Variants in CFAP221 observed in about 807,000 individuals in gnomAD.
The protein encoded by CFAP221 is cilia- and flagella-associated protein 221.
Under a neutral mutation model 113.1 loss-of-function variants are expected in CFAP221, and 97 were observed. The observed-to-expected ratio is 0.86, with a 90% CI of 0.73 to 1.02. The LOEUF (loss-of-function observed/expected upper bound fraction) is 1.02. CFAP221 is among the 50% of genes least tolerant of loss of function. The pLI, the probability that CFAP221 is intolerant of heterozygous loss-of-function variation, is 0.00. For synonymous variants in CFAP221, 331 were observed against 354.4 expected (o/e 0.93, Z 0.74); for missense variants, 1,025 against 1,013.4 (o/e 1.01, Z -0.16).
At chr2:119,610,961 G>C (rs911277923) in intron 12 of CFAP221, among the ~76,000 whole-genome samples, 4 of 152,078 alleles carry the variant, frequency 2.6e-5, no homozygotes, top group African/African-American at 9.7e-5. Flanking sequence ...TTGGCTCCTG[G>C]GAATAAGAAA....
rs78833068 is a variant in CFAP221, at chr2:119,571,475, G to A, written c.527+9361G>A. Among the ~76,000 whole-genome samples, 934 of 141,938 alleles carry A rather than the reference G, an allele frequency of 6.6e-3. 8 individuals carry two copies. Among genetic ancestry groups the A allele is most frequent in the African/African-American group, 0.024 (899 of 37,918 alleles). The allele number at this position is 141,938 out of a possible 152,430, so 93.1% of individuals were successfully genotyped here. ...TTTTTTTTCAAGCTTTTTTTCTTGA[G>A]ACAGAGTTTCACTCTGTCACCCAGG... On this transcript the variant is annotated intron_variant, in intron 6 of 23. Transcript: ENST00000413369.
intron 22 of CFAP221, 149 bp downstream of exon 22, chr2:119,647,199 C>A (rs2104807261): frequency 1.8e-6 from 1 of 566,250 alleles, no homozygotes; most frequent in Middle Eastern, 3.0e-4. Flanking sequence ...CATACCATCA[C>A]CTAGATAAGA....
In CFAP221 at chr2:119,650,384, G is replaced by C. The variant is rs529360108; in HGVS notation, c.2319-1590G>C. Among the ~76,000 whole-genome samples the C allele has an allele frequency of 3.1e-4, 47 of 152,330 alleles. 1 individual carries two copies. Among genetic ancestry groups the C allele is most frequent in the African/African-American group, 1.1e-3 (45 of 41,580 alleles). On this transcript the variant is annotated intron_variant, in intron 22 of 23. Coordinates refer to ENST00000413369, the MANE Select transcript of CFAP221 (RefSeq NM_001271049.2). ...GACAGCATTTCTTGAGAGGACTGCA[G>C]CCAGGGTGGGATGATTCATATTTGC...
At chr2:119,584,883 G>A (rs961770306) in intron 6 of CFAP221, among the ~76,000 whole-genome samples, 64 of 152,252 alleles carry the variant, frequency 4.2e-4, no homozygotes, top group Admixed American at 7.8e-4. Flanking sequence ...TATTTTAGTC[G>A]TATCTAGTAA....
intron 6 of CFAP221, among the ~76,000 whole-genome samples, chr2:119,568,359 C>T (rs1024142476): frequency 9.2e-5 from 14 of 152,048 alleles, no homozygotes. Flanking sequence ...TTCTGGGATA[C>T]ATGTGCAGGA....
chr2:119,575,295 T>C (rs1574038608), intron 6 of CFAP221, among the ~76,000 whole-genome samples: 1 of 152,204 alleles, frequency 6.6e-6, no homozygotes, highest in East Asian at 1.9e-4. Flanking sequence ...CTTTCGCTCC[T>C]GATGCCAGCT....
At chr2:119,565,866 T>A (rs1681587044) in intron 6 of CFAP221, among the ~76,000 whole-genome samples, 1 of 152,194 alleles carries the variant, frequency 6.6e-6, no homozygotes, top group East Asian at 1.9e-4. Context: ...CTAAAGTGTT[T>A]TCTATTAATC....
At chr2:119,557,799 G>A (rs2104529036) in intron 3 of CFAP221, among the ~76,000 whole-genome samples, 1 of 152,120 alleles carries the variant, frequency 6.6e-6, no homozygotes, top group South Asian at 2.1e-4. Flanking sequence ...AGGAGTTCGA[G>A]ACCAGCCTGA....
At chr2:119,640,876 C>T (rs1398880175) in intron 21 of CFAP221, among the ~76,000 whole-genome samples, 1 of 152,214 alleles carries the variant, frequency 6.6e-6, no homozygotes, top group African/African-American at 2.4e-5. Flanking sequence ...TGCCCCTTGG[C>T]CAACTCTCTG....
chr2:119,599,315 T>C (rs891610000), intron 7 of CFAP221, among the ~76,000 whole-genome samples: 3 of 152,158 alleles, frequency 2.0e-5, no homozygotes, highest in Non-Finnish European at 4.4e-5. Flanking sequence ...GAACGCGAGT[T>C]CAGTAGGGCT....
At chr2:119,561,134 C>CA (rs1239616573) in intron 5 of CFAP221, among the ~76,000 whole-genome samples, 9 of 151,726 alleles carry the variant, frequency 5.9e-5, no homozygotes, top group Admixed American at 4.6e-4. Flanking sequence ...ACTAAAAATA[C>CA]AAAAAATTAG....
intron 1 of CFAP221, chr2:119,545,146 G>T (rs1679964499): frequency 6.6e-6 from 1 of 152,304 alleles, no homozygotes; most frequent in Non-Finnish European, 1.5e-5. Flanking sequence ...GTCCGTCTTG[G>T]GAGTCTGAAG....
At chr2:119,635,498 C>T (rs984319132) in intron 19 of CFAP221, among the ~76,000 whole-genome samples, 16 of 151,646 alleles carry the variant, frequency 1.1e-4, no homozygotes, top group Admixed American at 1.1e-3. Flanking sequence ...TTGGTGGCTG[C>T]CTGTGGATGG....
In CFAP221 at chr2:119,656,384, C is replaced by T. The variant is rs138432794; in HGVS notation, c.2437C>T (p.Pro813Ser). The T allele has an allele frequency of 1.1e-3, 1,779 of 1,613,966 alleles. 2 individuals are homozygous for T. Among genetic ancestry groups the T allele is most frequent in the Non-Finnish European group, 1.4e-3 (1,664 of 1,179,926 alleles). ...KEKEVKDQAQ[P>S]AEKAGEKLLE... Reference sequence around the variant, plus strand: ...CAGAGAAGTGAAAGATCAAGCACAACCAGCAGAGAAGGCCGGAGAGAAGCT... The same window carrying T: ...CAGAGAAGTGAAAGATCAAGCACAATCAGCAGAGAAGGCCGGAGAGAAGCT... Residue 813 changes from proline (P) to serine (S), a missense_variant, in exon 24 of 24, where the codon CCA becomes TCA. Coordinates refer to ENST00000413369, the MANE Select transcript of CFAP221 (RefSeq NM_001271049.2).
At position 119,627,912 on chromosome 2, in the gene CFAP221, G is replaced by A. The variant is rs568988789; in HGVS notation, c.1650+126G>A. On this transcript the variant is annotated intron_variant, in intron 16 of 23. Coordinates refer to ENST00000413369, the MANE Select transcript of CFAP221 (RefSeq NM_001271049.2). ...TCCCAGAGGCTCCAAAGGAAGATGA[G>A]GAGAGTATTACCAGTGGAAAACCAG... 59 of 1,316,342 alleles carry A rather than the reference G, an allele frequency of 4.5e-5. 1 individual carries two copies. The South Asian group carries it at 6.5e-4, about 14-fold the overall frequency. The allele number at this position is 1,316,342 out of a possible 1,614,324, so 81.5% of individuals were successfully genotyped here. A position where few individuals can be genotyped will look rare whatever the true frequency, so the allele number is the denominator to read the frequency against.
chr2:119,556,164 A>G (rs1485477397), intron 3 of CFAP221: 1 of 152,328 alleles, frequency 6.6e-6, no homozygotes, highest in Non-Finnish European at 1.5e-5. Flanking sequence ...CACGTGGATC[A>G]CAGCTCACTG....
intron 8 of CFAP221, chr2:119,602,717 A>G: frequency 1.0e-6 from 1 of 985,468 alleles, no homozygotes; most frequent in Non-Finnish European, 1.2e-6. Flanking sequence ...AGTAGAACTG[A>G]ACACAAATTT....
chr2:119,651,028 G>A (rs1474352625), intron 22 of CFAP221, among the ~76,000 whole-genome samples: 1 of 152,182 alleles, frequency 6.6e-6, no homozygotes, highest in Non-Finnish European at 1.5e-5. Flanking sequence ...GAGAATCACT[G>A]AAACTAGAGG....
intron 7 of CFAP221, 33 bp downstream of exon 7, chr2:119,587,255 C>G: frequency 7.3e-7 from 1 of 1,376,836 alleles, no homozygotes; most frequent in Non-Finnish European, 9.8e-7. Context: ...GTTCTAAAAA[C>G]AAGAATAAGC....
Sources: gnomAD v4.1 joint callset for allele counts (sites outside exome capture counted in the v4.1 genomes callset) on GRCh38, gnomAD v4.1.1 for gene constraint, MANE v1.5 for transcripts, NCBI Gene and HGNC (gene_info 2026-07-23, HGNC 2026-07-21) for gene names.